Variants in NKAIN2 observed in about 807,000 individuals in gnomAD.
NKAIN2 encodes the protein sodium/potassium-transporting ATPase subunit beta-1-interacting protein 2.
Under a neutral mutation model 32.6 loss-of-function variants are expected in NKAIN2, and 14 were observed. That is an observed-to-expected ratio of 0.43 (90% CI 0.28 to 0.67). The LOEUF (loss-of-function observed/expected upper bound fraction) is 0.67, where lower values mean the gene tolerates loss of function less well. NKAIN2 is among the 30% of genes least tolerant of loss of function. The pLI is 0.17. For synonymous variants in NKAIN2, 80 were observed against 87.2 expected (o/e 0.92, Z 0.46); for missense variants, 198 against 258.3 (o/e 0.77, Z 1.60).
At chr6:123,867,088 T>G (rs1239194376) in intron 1 of NKAIN2, among the ~76,000 whole-genome samples, 1 of 152,174 alleles carries the variant, frequency 6.6e-6, no homozygotes, top group Admixed American at 6.5e-5. Flanking sequence ...TGGGAGATGT[T>G]TCAATATTCT....
chr6:124,570,855 C>A (rs1583456263), intron 3 of NKAIN2, among the ~76,000 whole-genome samples: 1 of 152,254 alleles, frequency 6.6e-6, no homozygotes, highest in Non-Finnish European at 1.5e-5. Context: ...GCTCCACTGG[C>A]AGCTTGCATC....
chr6:124,596,663 G>GGTGTGTGTGTGTGT (rs9321001), intron 3 of NKAIN2, among the ~76,000 whole-genome samples: 19 of 142,600 alleles, frequency 1.3e-4, no homozygotes, highest in African/African-American at 4.9e-4. Flanking sequence ...TAAACCATAG[G>GGTGTGTGTGTGTGT]GTGTGTGTGT....
intron 1 of NKAIN2, among the ~76,000 whole-genome samples, chr6:124,233,284 C>A (rs1306448876): frequency 6.6e-6 from 1 of 151,810 alleles, no homozygotes. Flanking sequence ...TAATTCTTTA[C>A]AAACCATAAT....
chr6:124,330,642 C>T lies in NKAIN2; in HGVS notation c.193-24625C>T, dbSNP rs1369819494. Among the ~76,000 whole-genome samples the T allele has an allele frequency of 2.0e-5, 3 of 152,144 alleles. No homozygotes were observed. The East Asian group carries it at 5.8e-4, about 29-fold the overall frequency. On this transcript the variant is annotated intron_variant, in intron 2 of 6. Transcript: ENST00000368417. ...TGTCAACAAATAATATTTCCAGCAG[C>T]TGGAGGAATAATTAGCATCTCAGTC...
At chr6:123,918,465 A>G (rs1362711262) in intron 1 of NKAIN2, among the ~76,000 whole-genome samples, 1 of 152,228 alleles carries the variant, frequency 6.6e-6, no homozygotes, top group African/African-American at 2.4e-5. Flanking sequence ...TTAAGGTAAG[A>G]GAAAATATCA....
rs374975687 is a variant in NKAIN2, at chr6:124,348,876, A to T, written c.193-6391A>T. On this transcript the variant is annotated intron_variant, in intron 2 of 6. Transcript: ENST00000368417. ...AGGGGTGACAGACAACACCTGGAAAATCGGGTCACTCCCACCCCAATACTG... is the reference window on the plus strand; with the variant it reads ...AGGGGTGACAGACAACACCTGGAAATTCGGGTCACTCCCACCCCAATACTG... Among the ~76,000 whole-genome samples, 13 of 152,196 alleles carry T rather than the reference A, an allele frequency of 8.5e-5. No homozygotes were observed. In the East Asian group the frequency reaches 2.5e-3, roughly 30 times the overall value.
intron 1 of NKAIN2, among the ~76,000 whole-genome samples, chr6:123,975,397 A>G (rs1021412117): frequency 6.6e-6 from 1 of 152,202 alleles, no homozygotes; most frequent in Non-Finnish European, 1.5e-5. Context: ...ATTTTCATGC[A>G]CAAGGAGAGG....
chr6:124,795,495 T>A (rs1021236992), intron 5 of NKAIN2, among the ~76,000 whole-genome samples: 1 of 152,198 alleles, frequency 6.6e-6, no homozygotes, highest in African/African-American at 2.4e-5. Flanking sequence ...CTTTTTTCCC[T>A]TATGTATCCT....
intron 4 of NKAIN2, among the ~76,000 whole-genome samples, chr6:124,748,595 T>C (rs745977516): frequency 1.3e-5 from 2 of 151,930 alleles, no homozygotes; most frequent in Non-Finnish European, 2.9e-5. Context: ...CCAATCACTT[T>C]TCAGACAAAA....
Position 123,943,475 on chromosome 6 carries a change from T to C in NKAIN2, c.54+139221T>C, listed in dbSNP as rs187120269. Among the ~76,000 whole-genome samples the C allele has an allele frequency of 1.9e-3, 291 of 152,144 alleles. 1 individual carries two copies. Among genetic ancestry groups the C allele is most frequent in the African/African-American group, 6.8e-3 (282 of 41,532 alleles). On this transcript the variant is annotated intron_variant, in intron 1 of 6. Coordinates refer to ENST00000368417, the MANE Select transcript of NKAIN2 (RefSeq NM_001040214.3). ...TCCTGGAGGTGATTCTTTGTCCCCT[T>C]GTGGAAAGGGGACAGTGCTTTGGCA...
intron 4 of NKAIN2, among the ~76,000 whole-genome samples, chr6:124,706,880 G>A (rs953926259): frequency 1.5e-4 from 23 of 151,834 alleles, no homozygotes; most frequent in Non-Finnish European, 2.8e-4. Flanking sequence ...TAGGGTACAT[G>A]TACACATTGT....
chr6:124,028,756 CA>C (rs570770850), intron 1 of NKAIN2, among the ~76,000 whole-genome samples: 4,737 of 145,392 alleles, frequency 0.033, 254 homozygotes, highest in African/African-American at 0.12. Context: ...TGTATATATA[CA>C]AGTATATAAG....
At chr6:123,903,483 A>G (rs908525678) in intron 1 of NKAIN2, among the ~76,000 whole-genome samples, 6 of 152,184 alleles carry the variant, frequency 3.9e-5, no homozygotes, top group Admixed American at 6.6e-5. Context: ...AGCCTTTTGT[A>G]TATTCAAGTA....
intron 2 of NKAIN2, among the ~76,000 whole-genome samples, chr6:124,317,394 T>A (rs1468873481): frequency 1.3e-5 from 2 of 152,108 alleles, no homozygotes; most frequent in African/African-American, 2.4e-5. Flanking sequence ...TCTTTGCTTT[T>A]AAAAACATTT....
chr6:123,892,311 T>G (rs1774058462), intron 1 of NKAIN2, among the ~76,000 whole-genome samples: 1 of 152,120 alleles, frequency 6.6e-6, no homozygotes, highest in South Asian at 2.1e-4. Context: ...TACACAAGAC[T>G]GGGTAATTTA....
rs149420972 is a variant in NKAIN2, at chr6:124,308,253, G to T, written c.192+25111G>T. Among the ~76,000 whole-genome samples the T allele has an allele frequency of 1.8e-4, 27 of 150,692 alleles. No individual in the cohort carries two copies. In the East Asian group the frequency reaches 4.9e-3, roughly 27 times the overall value. The stretch of plus-strand genomic sequence containing the variant: ...GAGAACATGCGGAGTTTAGTTTTCT[G>T]TTCCTGTGTTGGTTTGCTGAGAATG... On this transcript the variant is annotated intron_variant, in intron 2 of 6. Transcript: ENST00000368417.
chr6:124,498,064 G>A (rs1418400221), intron 3 of NKAIN2, among the ~76,000 whole-genome samples: 1 of 152,088 alleles, frequency 6.6e-6, no homozygotes, highest in Admixed American at 6.6e-5. Context: ...ATATAGTTGA[G>A]AAGAACAGGG....
chr6:124,008,346 G>T (rs1026894975), intron 1 of NKAIN2, among the ~76,000 whole-genome samples: 2 of 152,090 alleles, frequency 1.3e-5, no homozygotes, highest in Admixed American at 1.3e-4. Context: ...AAACACTTTT[G>T]TTCAAGGGGA....
At chr6:124,118,766 A>G (rs1785739000) in intron 1 of NKAIN2, among the ~76,000 whole-genome samples, 1 of 152,178 alleles carries the variant, frequency 6.6e-6, no homozygotes, top group South Asian at 2.1e-4. Context: ...TAGAATATAT[A>G]GAGGAGTAAA....
Sources: allele counts gnomAD v4.1 joint callset (sites outside exome capture counted in the v4.1 genomes callset), GRCh38; gene constraint gnomAD v4.1.1; transcripts MANE v1.5; gene names NCBI Gene and HGNC (gene_info 2026-07-23, HGNC 2026-07-21).